VWC2: variants seen among roughly 807,000 people sequenced by gnomAD.
VWC2 encodes von Willebrand factor C domain containing 2.
VWC2 carries 14 observed loss-of-function variants against 29.8 expected under a neutral mutation model. That is an observed-to-expected ratio of 0.47 (90% CI 0.31 to 0.74). The LOEUF is 0.74. Ranked by LOEUF, VWC2 falls within the 30% of genes least tolerant of loss-of-function variation. The pLI, the probability that VWC2 is intolerant of heterozygous loss-of-function variation, is 0.05. For missense variants in VWC2, 457 were observed against 459.8 expected (o/e 0.99, Z 0.05); for synonymous variants, 213 against 199.0 (o/e 1.07, Z -0.59).
chr7:49,866,645 G>A (rs1391319566), intron 3 of VWC2, among the ~76,000 whole-genome samples: 1 of 152,206 alleles, frequency 6.6e-6, no homozygotes, highest in Non-Finnish European at 1.5e-5. Context: ...AAGATGGTCA[G>A]TTTTGACATC....
chr7:49,826,840 A>G (rs1315764904), intron 3 of VWC2, among the ~76,000 whole-genome samples: 1 of 152,116 alleles, frequency 6.6e-6, no homozygotes, highest in Non-Finnish European at 1.5e-5. Flanking sequence ...CTGGCCCCTG[A>G]TGGGTGGACT....
chr7:49,780,283 T>C (rs1788146219), intron 2 of VWC2, among the ~76,000 whole-genome samples: 1 of 152,180 alleles, frequency 6.6e-6, no homozygotes, highest in African/African-American at 2.4e-5. Flanking sequence ...CCTGTATTAC[T>C]TATGTGAATG....
rs559200602 is a variant in VWC2, at chr7:49,821,971, T to C, written c.826+19131T>C. ...TTGTCAAAATTTAAAAATATTCTTA[T>C]AAACCCATCTTTTTATGAATATAAA... is the stretch of plus-strand genomic sequence containing the variant. On this transcript the variant is annotated intron_variant, in intron 3 of 3. Coordinates refer to ENST00000340652, the MANE Select transcript of VWC2 (RefSeq NM_198570.5). Among the ~76,000 whole-genome samples the C allele has an allele frequency of 2.0e-5, 3 of 152,310 alleles. No individual in the cohort carries two copies. In the East Asian group the frequency reaches 5.8e-4, roughly 29 times the overall value.
intron 3 of VWC2, among the ~76,000 whole-genome samples, chr7:49,813,710 A>C (rs1789065765): frequency 6.6e-6 from 1 of 152,230 alleles, no homozygotes; most frequent in Non-Finnish European, 1.5e-5. Flanking sequence ...ATACTTTAAA[A>C]TTGGAAAATA....
chr7:49,865,828 C>G (rs1004438181), intron 3 of VWC2, among the ~76,000 whole-genome samples: 2 of 152,180 alleles, frequency 1.3e-5, no homozygotes, highest in African/African-American at 4.8e-5. Flanking sequence ...AATGCTCATT[C>G]CATGCAACCT....
In VWC2 at chr7:49,920,139, G is replaced by A. The variant is rs1446958778; in HGVS notation, c.*7954G>A. ...TAAAAGGAGACATTAATTTGGATAT[G>A]GAAGCAAAATGGAACAGAGCAATAT... On this transcript the variant is annotated 3_prime_UTR_variant, in exon 4 of 4. Transcript: ENST00000340652. 6.6e-6 allele frequency: 1 copy of A among 151,882 alleles called. No individual in the cohort carries two copies. Among genetic ancestry groups the A allele is most frequent in the Non-Finnish European group, 1.5e-5 (1 of 67,990 alleles). The allele number at this position is 151,882 out of a possible 1,614,324, so 9.4% of individuals were successfully genotyped here. A position where few individuals can be genotyped will look rare whatever the true frequency, so the allele number is the denominator to read the frequency against.
intron 3 of VWC2, among the ~76,000 whole-genome samples, chr7:49,899,380 G>A (rs977316249): frequency 6.6e-6 from 1 of 151,964 alleles, no homozygotes; most frequent in African/African-American, 2.4e-5. Flanking sequence ...TCCATTTAAT[G>A]TTTTTGGATT....
rs1008782088 is a variant in VWC2, at chr7:49,876,673, A to C, written c.827-35361A>C. Among the ~76,000 whole-genome samples, 4 of 152,148 alleles carry C rather than the reference A, an allele frequency of 2.6e-5. 1 individual carries two copies. The South Asian group carries it at 8.3e-4, about 32-fold the overall frequency. On this transcript the variant is annotated intron_variant, in intron 3 of 3. Transcript: ENST00000340652. The stretch of plus-strand genomic sequence containing the variant: ...TGTTTTTTAGAAGACTTGACATTTT[A>C]CCCTATTTTAAGATCCCCCTTCCTC...
intron 3 of VWC2, among the ~76,000 whole-genome samples, chr7:49,885,391 T>C (rs1791855911): frequency 6.6e-6 from 1 of 152,104 alleles, no homozygotes; most frequent in African/African-American, 2.4e-5. Flanking sequence ...TATACAATTA[T>C]GTTCATAAAA....
At chr7:49,898,997 C>T (rs58816834) in intron 3 of VWC2, among the ~76,000 whole-genome samples, 1 of 151,926 alleles carries the variant, frequency 6.6e-6, no homozygotes, top group African/African-American at 2.4e-5. Context: ...ATTAATTCAA[C>T]TATATTAACA....
intron 3 of VWC2, among the ~76,000 whole-genome samples, chr7:49,877,507 T>TATATATATATAG (rs1562747891): frequency 1.8e-4 from 16 of 90,310 alleles, no homozygotes; most frequent in Non-Finnish European, 3.3e-4. Flanking sequence ...TATATATATA[T>TATATATATATAG]ATATATATAT....
At chr7:49,893,633 C>T (rs1278894248) in intron 3 of VWC2, among the ~76,000 whole-genome samples, 3 of 98,460 alleles carry the variant, frequency 3.0e-5, no homozygotes, top group African/African-American at 7.5e-5. Flanking sequence ...CTTAGGAAAC[C>T]AGTTTTTTTT....
Position 49,835,362 on chromosome 7 carries a change from AT to A in VWC2, c.826+32525del, listed in dbSNP as rs1238182229. ...GATGAAGTTTCTTTTCTTTCTCAGT[AT>A]TTAAGCTAGTGACACATGTGGGCTT... On this transcript the variant is annotated intron_variant, in intron 3 of 3. Transcript: ENST00000340652. Among the ~76,000 whole-genome samples, 12 of 152,304 alleles carry A rather than the reference AT, an allele frequency of 7.9e-5. No homozygotes were observed. The East Asian group carries it at 1.9e-3, about 24-fold the overall frequency.
At chr7:49,858,053 A>G (rs138913587) in intron 3 of VWC2, among the ~76,000 whole-genome samples, 15 of 152,256 alleles carry the variant, frequency 9.9e-5, no homozygotes, top group African/African-American at 3.6e-4. Flanking sequence ...CTAGTTCTAG[A>G]TCCCTGAGGA....
rs191045868 is a variant in VWC2 at position 49,787,659 on chromosome 7, G to A, written c.696+11528G>A. Among the ~76,000 whole-genome samples the A allele has an allele frequency of 1.9e-3, 287 of 152,294 alleles. 2 individuals are homozygous for A. The highest frequency in any genetic ancestry group is 3.8e-3 in the African/African-American group (156 of 41,554). On this transcript the variant is annotated intron_variant, in intron 2 of 3. Transcript: ENST00000340652. ...CCTCCACTCGCTGTGCTTTTGCTGC[G>A]TCACACACACAAATGTCATGAGTGG...
intron 3 of VWC2, among the ~76,000 whole-genome samples, chr7:49,885,891 AGAG>A (rs1424433544): frequency 1.3e-5 from 2 of 152,270 alleles, no homozygotes; most frequent in Admixed American, 1.3e-4. Flanking sequence ...TTGGCATGGC[AGAG>A]GAGGAGAGGA....
rs1371802460 is a variant in VWC2, at chr7:49,773,745, T to C, written c.-472T>C. The C allele has an allele frequency of 6.6e-6, 1 of 151,284 alleles. No homozygotes were observed. Among genetic ancestry groups the C allele is most frequent in the Non-Finnish European group, 1.5e-5 (1 of 67,922 alleles). The allele number at this position is 151,284 out of a possible 1,614,324, so 9.4% of individuals were successfully genotyped here. ...CTGCCCAGACATTCCGGCTGCCGGGTCTGGAGAGCTCCCCGAACCCCTCCG... is the reference window on the plus strand; with the variant it reads ...CTGCCCAGACATTCCGGCTGCCGGGCCTGGAGAGCTCCCCGAACCCCTCCG... On this transcript the variant is annotated 5_prime_UTR_variant, in exon 1 of 4. Transcript: ENST00000340652.
chr7:49,835,882 CA>C (rs1391441692), intron 3 of VWC2, among the ~76,000 whole-genome samples: 3 of 152,106 alleles, frequency 2.0e-5, no homozygotes, highest in Non-Finnish European at 4.4e-5. Context: ...TTATAATGAC[CA>C]TTTTTTTAAT....
At chr7:49,858,125 T>A (rs898733966) in intron 3 of VWC2, among the ~76,000 whole-genome samples, 1 of 152,206 alleles carries the variant, frequency 6.6e-6, no homozygotes, top group Non-Finnish European at 1.5e-5. Flanking sequence ...AGTGTAAAAG[T>A]GTTCCTATTT....
Sources: gnomAD v4.1 joint callset for allele counts (sites outside exome capture counted in the v4.1 genomes callset) on GRCh38, gnomAD v4.1.1 for gene constraint, MANE v1.5 for transcripts, NCBI Gene and HGNC (gene_info 2026-07-23, HGNC 2026-07-21) for gene names.